SH3BP5: variants seen among roughly 807,000 people sequenced by gnomAD.
SH3BP5 encodes the protein SH3 domain-binding protein 5.
A neutral mutation model predicts 43.3 loss-of-function variants in SH3BP5; 22 were observed. The ratio of observed to expected loss-of-function variants is 0.51; its 90% CI spans 0.36 to 0.73. The LOEUF is 0.73. Among genes scored for constraint, SH3BP5 ranks in the 30% least tolerant of loss-of-function variants. The pLI is 0.00. For missense variants in SH3BP5, 529 were observed against 586.9 expected (o/e 0.90, Z 1.02); for synonymous variants, 255 against 225.8 (o/e 1.13, Z -1.16).
At chr3:15,268,583 G>T (rs1696708758) in intron 4 of SH3BP5, among the ~76,000 whole-genome samples, 1 of 152,100 alleles carries the variant, frequency 6.6e-6, no homozygotes. Flanking sequence ...AGGAACATGA[G>T]CCTGGGCAGC....
chr3:15,310,747 C>T (rs1698034422), intron 2 of SH3BP5, among the ~76,000 whole-genome samples: 2 of 152,270 alleles, frequency 1.3e-5, no homozygotes, highest in South Asian at 4.1e-4. Flanking sequence ...CTCAGCTCTT[C>T]AAATGTGAAA....
At chr3:15,259,409 T>C (rs1199783414) in intron 6 of SH3BP5, 6 of 513,752 alleles carry the variant, frequency 1.2e-5, no homozygotes, top group Non-Finnish European at 2.1e-5. Context: ...TCCCCTTGGG[T>C]GTTAAGACTC....
chr3:15,307,017 C>G (rs1414047756), intron 2 of SH3BP5, among the ~76,000 whole-genome samples: 1 of 152,106 alleles, frequency 6.6e-6, no homozygotes, highest in East Asian at 1.9e-4. Context: ...TTCATGGGGG[C>G]AAAGGAGGCT....
At chr3:15,295,723 A>G (rs1290863292) in intron 3 of SH3BP5, among the ~76,000 whole-genome samples, 1 of 152,250 alleles carries the variant, frequency 6.6e-6, no homozygotes, top group Admixed American at 6.5e-5. Flanking sequence ...TAAGTGCTAA[A>G]GTAACATCCG....
At chr3:15,322,519 T>A (rs538383822) in intron 2 of SH3BP5, among the ~76,000 whole-genome samples, 2 of 152,312 alleles carry the variant, frequency 1.3e-5, no homozygotes, top group Admixed American at 6.5e-5. Flanking sequence ...GTGTCACAAC[T>A]GTCCTCACGG....
rs1260042488 is a variant in SH3BP5 at position 15,256,932 on chromosome 3, C to G, written c.1071G>C (p.Glu357Asp). 1.9e-6 allele frequency: 3 copies of G among 1,614,100 alleles called. No individual in the cohort carries two copies. The highest frequency in any genetic ancestry group is 2.5e-6 in the Non-Finnish European group (3 of 1,180,044). The change falls in exon 8 of 9, where the codon GAG (glutamate) becomes GAC (aspartate). Residue 357 changes from glutamate (E) to aspartate (D), a missense_variant. By Grantham distance (45) the Glu-to-Asp change is conservative. Transcript: ENST00000383791. ...LDLPSPVSLSEFGMMFPVLGP... is the reference protein window; with the variant it reads ...LDLPSPVSLSDFGMMFPVLGP... ...CCAACACTGGGAACATCATCCCAAACTCTGACAGGGACACAGGGCTGGGCA... is the reference window on the plus strand; with the variant it reads ...CCAACACTGGGAACATCATCCCAAAGTCTGACAGGGACACAGGGCTGGGCA...
intron 2 of SH3BP5, among the ~76,000 whole-genome samples, chr3:15,315,145 TAAG>T (rs1698153876): frequency 6.6e-6 from 1 of 152,000 alleles, no homozygotes; most frequent in African/African-American, 2.4e-5. Context: ...CTTTTGAGAA[TAAG>T]GAGAGGCACT....
chr3:15,316,027 T>C (rs1289988406), intron 2 of SH3BP5, among the ~76,000 whole-genome samples: 1 of 152,102 alleles, frequency 6.6e-6, no homozygotes, highest in Non-Finnish European at 1.5e-5. Context: ...ATTGCATCAA[T>C]TGTCCCACTA....
chr3:15,267,685 T>G (rs1166266499), intron 4 of SH3BP5, among the ~76,000 whole-genome samples: 1 of 152,184 alleles, frequency 6.6e-6, no homozygotes, highest in African/African-American at 2.4e-5. Flanking sequence ...GGTCTTGCAC[T>G]GCACAACTCC....
At position 15,255,406 on chromosome 3, in the gene SH3BP5, T is replaced by TC. The variant is rs1486127746; in HGVS notation, c.*679dup. On this transcript the variant is annotated 3_prime_UTR_variant, in exon 9 of 9. Coordinates refer to ENST00000383791, the MANE Select transcript of SH3BP5 (RefSeq NM_004844.5). ...CCACAAATCCCCTTCTATAAGTCCC[T>TC]CCTACCCTCATCCCCCCGCATCCCC... 1.0e-4 allele frequency: 16 copies of TC among 152,500 alleles called. 1 individual carries two copies. Among genetic ancestry groups the TC allele is most frequent in the Non-Finnish European group, 4.4e-5 (3 of 68,036 alleles). The allele number at this position is 152,500 out of a possible 1,614,324, so 9.4% of individuals were successfully genotyped here.
At chr3:15,328,877 G>T (rs574644873) in intron 2 of SH3BP5, among the ~76,000 whole-genome samples, 1 of 152,314 alleles carries the variant, frequency 6.6e-6, no homozygotes, top group East Asian at 1.9e-4. Context: ...AACATTCTAT[G>T]ATGACAGCAG....
At chr3:15,311,336 G>A (rs1158912145) in intron 2 of SH3BP5, among the ~76,000 whole-genome samples, 2 of 152,096 alleles carry the variant, frequency 1.3e-5, no homozygotes, top group Admixed American at 6.5e-5. Context: ...GAGGCTGCAG[G>A]CACATCACCT....
At chr3:15,333,150 C>A (rs759293893), upstream of SH3BP5, 118 of 985,308 alleles carry the variant, frequency 1.2e-4, no homozygotes, top group Non-Finnish European at 1.4e-4. Flanking sequence ...CAAGTGTAAC[C>A]CCTGTTGATG....
intron 2 of SH3BP5, among the ~76,000 whole-genome samples, chr3:15,321,812 CA>C (rs35283423): frequency 0.46 from 60,672 of 132,136 alleles, 13,671 homozygotes; most frequent in Non-Finnish European, 0.56. Flanking sequence ...ATCAAATTGC[CA>C]AAAAAAAAAA....
chr3:15,327,245 C>A (rs1438864987), intron 2 of SH3BP5, among the ~76,000 whole-genome samples: 21 of 151,838 alleles, frequency 1.4e-4, no homozygotes, highest in Admixed American at 1.4e-3. Context: ...ACTAAAAATA[C>A]AAAAATTAGC....
intron 3 of SH3BP5, among the ~76,000 whole-genome samples, chr3:15,289,778 T>G (rs1697361419): frequency 6.6e-6 from 1 of 152,096 alleles, no homozygotes; most frequent in Admixed American, 6.5e-5. Context: ...ATACGGCATC[T>G]TACACCTCAT....
chr3:15,313,869 C>T (rs767299203), intron 2 of SH3BP5, among the ~76,000 whole-genome samples: 2 of 151,982 alleles, frequency 1.3e-5, no homozygotes, highest in Non-Finnish European at 1.5e-5. Flanking sequence ...TGGGAGGCCA[C>T]GGTGGGAGGA....
chr3:15,335,223 C>A (rs539525480), upstream of SH3BP5, among the ~76,000 whole-genome samples: 3 of 151,814 alleles, frequency 2.0e-5, no homozygotes, highest in South Asian at 6.2e-4. Context: ...GGTAAAAATA[C>A]AAAAATTAGC....
chr3:15,293,944 G>A (rs1004396552), intron 3 of SH3BP5, among the ~76,000 whole-genome samples: 4 of 151,874 alleles, frequency 2.6e-5, no homozygotes, highest in Non-Finnish European at 4.4e-5. Flanking sequence ...CTGGTGTGGT[G>A]GTGTGCACCT....
Sources: gnomAD v4.1 joint callset for allele counts (sites outside exome capture counted in the v4.1 genomes callset) on GRCh38, gnomAD v4.1.1 for gene constraint, MANE v1.5 for transcripts, NCBI Gene and HGNC (gene_info 2026-07-23, HGNC 2026-07-21) for gene names.